Variants in LTBP1 observed in about 807,000 individuals in gnomAD.
The protein encoded by LTBP1 is latent transforming growth factor beta binding protein 1, also known as latent-transforming growth factor beta-binding protein 1.
LTBP1 carries 129 observed loss-of-function variants against 207.6 expected under a neutral mutation model. That is an observed-to-expected ratio of 0.62 (90% CI 0.54 to 0.72). The LOEUF is 0.72. LTBP1 is among the 30% of genes least tolerant of loss of function. The probability of loss-of-function intolerance (pLI) is 0.00; values close to 1 mark genes in which losing one functional copy is unlikely to be tolerated. For missense variants in LTBP1, 2,281 were observed against 2,217.2 expected, an observed-to-expected ratio of 1.03 and a Z score of -0.58; for synonymous variants, 963 against 833.7, an observed-to-expected ratio of 1.16 and a Z score of -2.67.
chr2:32,947,862 A>T (rs1558421781), intron 1 of LTBP1, 44 bp downstream of exon 1: 1 of 1,269,506 alleles, frequency 7.9e-7, no homozygotes, highest in Non-Finnish European at 1.0e-6. Context: ...CCTCGCGCGC[A>T]CCGCCCGCGG....
intron 9 of LTBP1, among the ~76,000 whole-genome samples, chr2:33,241,780 G>A (rs2092332348): frequency 6.6e-6 from 1 of 152,138 alleles, no homozygotes; most frequent in African/African-American, 2.4e-5. Context: ...CATATAATAG[G>A]GCTTCACTTG....
At chr2:33,366,166 C>T (rs879752683) in intron 31 of LTBP1, among the ~76,000 whole-genome samples, 2 of 152,120 alleles carry the variant, frequency 1.3e-5, no homozygotes, top group Non-Finnish European at 2.9e-5. Context: ...GTTTGGTGAC[C>T]GTTGAGTTGT....
intron 24 of LTBP1, among the ~76,000 whole-genome samples, chr2:33,323,298 A>AAGTAC (rs1338807440): frequency 6.6e-6 from 1 of 152,178 alleles, no homozygotes; most frequent in African/African-American, 2.4e-5. Flanking sequence ...TGGGAACTCG[A>AAGTAC]AGTACAGTTT....
At chr2:33,136,358 A>G (rs6714546) in intron 5 of LTBP1, among the ~76,000 whole-genome samples, 119,196 of 152,210 alleles carry the variant, frequency 0.78, 47,220 homozygotes, top group East Asian at 0.99. Flanking sequence ...AGGGCATGCC[A>G]GTTAATATTT....
At chr2:33,148,628 C>T (rs1051275431) in intron 5 of LTBP1, among the ~76,000 whole-genome samples, 3 of 152,174 alleles carry the variant, frequency 2.0e-5, no homozygotes, top group Non-Finnish European at 4.4e-5. Flanking sequence ...TTCTCTTATT[C>T]CCCATCTCCA....
chr2:33,041,830 A>C (rs1425727700), intron 3 of LTBP1, among the ~76,000 whole-genome samples: 1 of 152,098 alleles, frequency 6.6e-6, no homozygotes, highest in Non-Finnish European at 1.5e-5. Context: ...AATGATAAAG[A>C]TATGTACCAG....
chr2:33,030,250 A>G lies in LTBP1; in HGVS notation c.863+9044A>G, dbSNP rs72869642. 4.0e-3 allele frequency among the ~76,000 whole-genome samples: 611 copies of G among 152,308 alleles called. 3 individuals are homozygous for G. The highest frequency in any genetic ancestry group is 0.014 in the African/African-American group (587 of 41,556). On this transcript the variant is annotated intron_variant, in intron 3 of 33. Coordinates refer to ENST00000404816, the MANE Select transcript of LTBP1 (RefSeq NM_206943.4). ...TTCTTAACTCAGACGGGAAGAAGACATAGACATTTTGACATTAGGATGCAC... is the reference window on the plus strand; with the variant it reads ...TTCTTAACTCAGACGGGAAGAAGACGTAGACATTTTGACATTAGGATGCAC...
chr2:33,262,917 G>C, intron 14 of LTBP1, 96 bp downstream of exon 14: 1 of 745,638 alleles, frequency 1.3e-6, no homozygotes, highest in Non-Finnish European at 2.3e-6. Flanking sequence ...TAAATTACTA[G>C]ACTTCATAAC....
At chr2:33,064,949 T>A (rs891275584) in intron 3 of LTBP1, among the ~76,000 whole-genome samples, 1 of 152,144 alleles carries the variant, frequency 6.6e-6, no homozygotes, top group Non-Finnish European at 1.5e-5. Context: ...AGAACAGGAG[T>A]GGTGACAGTG....
chr2:33,197,458 G>A (rs1573112820), intron 7 of LTBP1, among the ~76,000 whole-genome samples: 1 of 152,164 alleles, frequency 6.6e-6, no homozygotes, highest in East Asian at 1.9e-4. Flanking sequence ...CATTTCTGTG[G>A]TAGTTATCAT....
chr2:33,124,078 T>C (rs2081303894), intron 4 of LTBP1, among the ~76,000 whole-genome samples: 1 of 152,232 alleles, frequency 6.6e-6, no homozygotes, highest in African/African-American at 2.4e-5. Flanking sequence ...TATGTGACTA[T>C]AGAGCTGCTA....
rs1180391856 is a variant in LTBP1, at chr2:33,332,397, A to AAG, written c.3731-10429_3731-10428dup. On this transcript the variant is annotated intron_variant, in intron 24 of 33. Coordinates refer to ENST00000404816, the MANE Select transcript of LTBP1 (RefSeq NM_206943.4). ...CAAAAAAAAAAAAAAAAAAAAAAAA[A>AAG]AGAGAGAGAGAGACAGAGACACTCT... 7.8e-4 allele frequency among the ~76,000 whole-genome samples: 102 copies of AAG among 129,938 alleles called. 2 individuals carry two copies. The highest frequency in any genetic ancestry group is 1.1e-3 in the African/African-American group (35 of 33,010). The allele number at this position is 129,938 out of a possible 152,430, so 85.2% of individuals were successfully genotyped here. A position where few individuals can be genotyped will look rare whatever the true frequency, so the allele number is the denominator to read the frequency against.
At chr2:33,273,561 A>T in intron 15 of LTBP1, 95 bp from the exon 16 acceptor site, 1 of 889,528 alleles carries the variant, frequency 1.1e-6, no homozygotes, top group Non-Finnish European at 1.6e-6. Flanking sequence ...ATAATTTGCT[A>T]GTTGGTCAGG....
At chr2:33,172,702 T>A (rs1280060507) in intron 5 of LTBP1, among the ~76,000 whole-genome samples, 1 of 152,184 alleles carries the variant, frequency 6.6e-6, no homozygotes, top group Non-Finnish European at 1.5e-5. Flanking sequence ...AGAGTATACA[T>A]CTTTTTCAGC....
intron 5 of LTBP1, among the ~76,000 whole-genome samples, chr2:33,173,646 C>T (rs2085705444): frequency 6.6e-6 from 1 of 151,748 alleles, no homozygotes; most frequent in African/African-American, 2.4e-5. Context: ...TCCTCCCTAA[C>T]TCATTTTATG....
chr2:33,311,197 C>T (rs3769546), intron 23 of LTBP1, among the ~76,000 whole-genome samples: 2,373 of 152,170 alleles, frequency 0.016, 23 homozygotes, highest in East Asian at 0.025. Flanking sequence ...ATGAAAAACA[C>T]GGACCTTTGC....
intron 24 of LTBP1, chr2:33,332,771 T>C (rs1277463376): frequency 1.3e-5 from 2 of 152,152 alleles, no homozygotes; most frequent in Non-Finnish European, 2.9e-5. Flanking sequence ...GAAGACTGTT[T>C]TGACTGAAGG....
At chr2:33,273,390 C>T (rs997436309) in intron 15 of LTBP1, among the ~76,000 whole-genome samples, 2 of 152,078 alleles carry the variant, frequency 1.3e-5, no homozygotes, top group Admixed American at 6.5e-5. Flanking sequence ...TACAACATGG[C>T]CTTTTTCTGA....
chr2:33,370,259 A>G (rs1440589897), intron 31 of LTBP1, among the ~76,000 whole-genome samples: 3 of 152,240 alleles, frequency 2.0e-5, no homozygotes, highest in Non-Finnish European at 4.4e-5. Context: ...GATCTTATAA[A>G]ATCTACAGTT....
Sources: gnomAD v4.1 joint callset for allele counts (sites outside exome capture counted in the v4.1 genomes callset) on GRCh38, gnomAD v4.1.1 for gene constraint, MANE v1.5 for transcripts, NCBI Gene and HGNC (gene_info 2026-07-23, HGNC 2026-07-21) for gene names.